ARPC2: variants seen among roughly 807,000 people sequenced by gnomAD.
ARPC2 encodes actin related protein 2/3 complex subunit 2, also known as actin-related protein 2/3 complex subunit 2.
ARPC2 carries 4 observed loss-of-function variants against 38.6 expected under a neutral mutation model. That is an observed-to-expected ratio of 0.10 (90% CI 0.05 to 0.24). The LOEUF (loss-of-function observed/expected upper bound fraction) is 0.24, where lower values mean the gene tolerates loss of function less well. Among genes scored for constraint, ARPC2 ranks in the 10% least tolerant of loss-of-function variants. The pLI is 1.00. For missense variants in ARPC2, 229 were observed against 387.3 expected (o/e 0.59, Z 3.43); for synonymous variants, 125 against 140.8 (o/e 0.89, Z 0.79).
chr2:218,243,846 A>G (rs1239541007), intron 7 of ARPC2, among the ~76,000 whole-genome samples: 2 of 152,224 alleles, frequency 1.3e-5, no homozygotes, highest in African/African-American at 4.8e-5. Context: ...GTTATTTTCC[A>G]TATACAAAAC....
intron 2 of ARPC2, among the ~76,000 whole-genome samples, chr2:218,219,634 T>C (rs867943758): frequency 6.6e-6 from 1 of 152,088 alleles, no homozygotes; most frequent in Non-Finnish European, 1.5e-5. Flanking sequence ...ACAGCACTGC[T>C]CCTTTCCTCA....
At chr2:218,224,513 C>G (rs966203179) in intron 2 of ARPC2, among the ~76,000 whole-genome samples, 2 of 152,124 alleles carry the variant, frequency 1.3e-5, no homozygotes, top group African/African-American at 4.8e-5. Flanking sequence ...CTCTTGTTTT[C>G]TAGAGGTGAG....
At chr2:218,245,627 G>C (rs1463685120) in intron 8 of ARPC2, 81 bp downstream of exon 8, 1 of 1,565,650 alleles carries the variant, frequency 6.4e-7, no homozygotes, top group Non-Finnish European at 8.7e-7. Flanking sequence ...CAGAACCTTG[G>C]TTAACATTTT....
intron 2 of ARPC2, 125 bp downstream of exon 2, chr2:218,217,669 G>C (rs982872656): frequency 1.9e-6 from 2 of 1,040,806 alleles, no homozygotes; most frequent in Middle Eastern, 2.0e-4. Context: ...TGTAGGGGCT[G>C]CCCCAGCGGG....
intron 2 of ARPC2, among the ~76,000 whole-genome samples, chr2:218,220,409 A>G (rs1689356259): frequency 6.6e-6 from 1 of 152,224 alleles, no homozygotes. Flanking sequence ...CCTCGGTCAC[A>G]CTAGCCACAT....
chr2:218,228,222 G>A (rs1210822261), intron 3 of ARPC2, among the ~76,000 whole-genome samples: 1 of 152,044 alleles, frequency 6.6e-6, no homozygotes, highest in Non-Finnish European at 1.5e-5. Context: ...GGCCAACACA[G>A]TGAAACCCCG....
At chr2:218,224,408 A>T (rs4674274) in intron 2 of ARPC2, among the ~76,000 whole-genome samples, 60,275 of 152,010 alleles carry the variant, frequency 0.4, 12,587 homozygotes, top group Middle Eastern at 0.52. Context: ...AGCCTTCCCC[A>T]GGAAAGTATG....
At chr2:218,246,021 C>G (rs191749326) in intron 8 of ARPC2, among the ~76,000 whole-genome samples, 1 of 152,040 alleles carries the variant, frequency 6.6e-6, no homozygotes, top group Non-Finnish European at 1.5e-5. Context: ...CAAGATCATC[C>G]TGGCCAATGT....
intron 5 of ARPC2, among the ~76,000 whole-genome samples, chr2:218,238,259 A>C (rs1357426329): frequency 6.6e-6 from 1 of 152,174 alleles, no homozygotes; most frequent in Non-Finnish European, 1.5e-5. Flanking sequence ...ACTATCAGAG[A>C]AATATATGTG....
At chr2:218,234,895 G>A (rs973713824) in intron 5 of ARPC2, 1 of 456,626 alleles carries the variant, frequency 2.2e-6, no homozygotes, top group Non-Finnish European at 4.4e-6. Flanking sequence ...GAATTGAAAG[G>A]CACCGTGTCA....
chr2:218,227,236 C>A, intron 3 of ARPC2: 1 of 319,518 alleles, frequency 3.1e-6, no homozygotes, highest in Non-Finnish European at 6.4e-6. Flanking sequence ...TCAGGAATTA[C>A]ACAGGCTGAG....
At chr2:218,232,101 T>C (rs2106149415) in intron 4 of ARPC2, among the ~76,000 whole-genome samples, 1 of 152,136 alleles carries the variant, frequency 6.6e-6, no homozygotes, top group African/African-American at 2.4e-5. Context: ...ATTAGCTTGG[T>C]GTGGTGGTGG....
At chr2:218,228,660 C>T in intron 3 of ARPC2, 78 bp from the exon 4 acceptor site, 1 of 819,406 alleles carries the variant, frequency 1.2e-6, no homozygotes, top group African/African-American at 1.7e-5. Flanking sequence ...TTCCTTGTGG[C>T]CTACGGCAAG....
intron 4 of ARPC2, 117 bp from the exon 5 acceptor site, chr2:218,234,235 A>G (rs1689714407): frequency 4.1e-6 from 3 of 740,474 alleles, no homozygotes; most frequent in Non-Finnish European, 6.5e-6. Context: ...CACCAAATGA[A>G]AGTTAGGAAG....
At chr2:218,229,211 G>A (rs17572109) in intron 4 of ARPC2, 23,285 of 154,800 alleles carry the variant, frequency 0.15, 2,398 homozygotes, top group Middle Eastern at 0.23. Flanking sequence ...ATAGTCTCAG[G>A]TTCTCATTCT....
At chr2:218,220,609 ATTT>A (rs570096079) in intron 2 of ARPC2, among the ~76,000 whole-genome samples, 3 of 143,306 alleles carry the variant, frequency 2.1e-5, no homozygotes, top group African/African-American at 7.7e-5. Context: ...TTTGAAGTTG[ATTT>A]TTTTTTTTTT....
At chr2:218,224,505 C>T (rs1476634802) in intron 2 of ARPC2, among the ~76,000 whole-genome samples, 1 of 152,158 alleles carries the variant, frequency 6.6e-6, no homozygotes, top group African/African-American at 2.4e-5. Context: ...GTTCTTTGCT[C>T]TTGTTTTCTA....
chr2:218,245,578 G>C (rs758409769), intron 8 of ARPC2, 32 bp downstream of exon 8: 1 of 1,612,392 alleles, frequency 6.2e-7, no homozygotes, highest in African/African-American at 1.3e-5. Context: ...CTTTTGTGCC[G>C]CTTTAATGAG....
intron 10 of ARPC2, among the ~76,000 whole-genome samples, chr2:218,252,586 C>A (rs1184151769): frequency 6.6e-6 from 1 of 152,164 alleles, no homozygotes; most frequent in Non-Finnish European, 1.5e-5. Context: ...TCAGTAGAGG[C>A]CAAGAGGTAA....
Sources: gnomAD v4.1 joint callset for allele counts (sites outside exome capture counted in the v4.1 genomes callset) on GRCh38, gnomAD v4.1.1 for gene constraint, MANE v1.5 for transcripts, NCBI Gene and HGNC (gene_info 2026-07-23, HGNC 2026-07-21) for gene names.